The following SGCZ variants were observed in gnomAD, a reference collection of about 807,000 sequenced individuals.
SGCZ encodes the protein zeta-sarcoglycan.
In SGCZ, 40 loss-of-function variants were observed where a neutral mutation model predicts 41.3. That is an observed-to-expected ratio of 0.97 (90% CI 0.75 to 1.26). The LOEUF is 1.26. SGCZ is among the 50% of genes most tolerant of loss of function. The pLI, the probability that SGCZ is intolerant of heterozygous loss-of-function variation, is 0.00. For synonymous variants in SGCZ, 206 were observed against 137.5 expected, an observed-to-expected ratio of 1.50 and a Z score of -3.49; for missense variants, 552 against 369.8, an observed-to-expected ratio of 1.49 and a Z score of -4.04.
intron 4 of SGCZ, among the ~76,000 whole-genome samples, chr8:14,210,224 A>T (rs1410943126): frequency 1.3e-5 from 2 of 152,006 alleles, no homozygotes; most frequent in African/African-American, 4.8e-5. Flanking sequence ...CCGTCTAGCT[A>T]ATTTTTGCAT....
intron 1 of SGCZ, among the ~76,000 whole-genome samples, chr8:15,122,264 G>T (rs985881959): frequency 1.3e-5 from 2 of 152,052 alleles, no homozygotes; most frequent in African/African-American, 4.8e-5. Context: ...AATGGGAATT[G>T]TGGTATGTTG....
intron 2 of SGCZ, among the ~76,000 whole-genome samples, chr8:14,325,745 CACATATATATATATATATATAT>C (rs1167080870): frequency 5.1e-4 from 13 of 25,488 alleles, no homozygotes; most frequent in African/African-American, 9.8e-4. Flanking sequence ...CACACACACA[CACATATATATATATATATATAT>C]ATATATATAT....
chr8:15,178,980 C>A (rs751979241), intron 1 of SGCZ, among the ~76,000 whole-genome samples: 26 of 152,150 alleles, frequency 1.7e-4, no homozygotes, highest in Non-Finnish European at 3.8e-4. Context: ...ATTGTCTTGG[C>A]ATTTGGACAC....
At chr8:15,101,803 A>C (rs1806624957) in intron 1 of SGCZ, among the ~76,000 whole-genome samples, 1 of 152,068 alleles carries the variant, frequency 6.6e-6, no homozygotes, top group Non-Finnish European at 1.5e-5. Context: ...GGTCGTGCAC[A>C]CCTGCAGTCC....
chr8:14,207,838 A>G (rs1805668218), intron 4 of SGCZ, among the ~76,000 whole-genome samples: 1 of 152,160 alleles, frequency 6.6e-6, no homozygotes, highest in Non-Finnish European at 1.5e-5. Context: ...CATTTTGCAT[A>G]AGAAAAATAT....
At chr8:14,612,491 T>C (rs545255631) in intron 1 of SGCZ, among the ~76,000 whole-genome samples, 111 of 152,312 alleles carry the variant, frequency 7.3e-4, no homozygotes, top group African/African-American at 2.5e-3. Flanking sequence ...CTCAGGGAAG[T>C]TCTTTATAGC....
intron 1 of SGCZ, among the ~76,000 whole-genome samples, chr8:15,075,012 T>C (rs1805479919): frequency 6.6e-6 from 1 of 152,202 alleles, no homozygotes; most frequent in Non-Finnish European, 1.5e-5. Flanking sequence ...CCTCAGCACC[T>C]AACCCAAAAG....
chr8:15,016,197 C>A (rs989587560), intron 1 of SGCZ, among the ~76,000 whole-genome samples: 1 of 152,156 alleles, frequency 6.6e-6, no homozygotes, highest in Non-Finnish European at 1.5e-5. Context: ...CATGGACTTA[C>A]ACCTGCCCCA....
intron 5 of SGCZ, among the ~76,000 whole-genome samples, chr8:14,157,567 T>C (rs1442465864): frequency 1.3e-5 from 2 of 151,470 alleles, no homozygotes; most frequent in African/African-American, 4.8e-5. Flanking sequence ...TATTTGTTAG[T>C]TGTAAAATAA....
chr8:14,458,343 G>C (rs1278526755), intron 2 of SGCZ, among the ~76,000 whole-genome samples: 1 of 152,114 alleles, frequency 6.6e-6, no homozygotes, highest in Admixed American at 6.6e-5. Flanking sequence ...ATATCATAAT[G>C]CCAAAGACAA....
intron 2 of SGCZ, among the ~76,000 whole-genome samples, chr8:14,358,454 A>G (rs1402977091): frequency 6.6e-6 from 1 of 152,184 alleles, no homozygotes; most frequent in Non-Finnish European, 1.5e-5. Flanking sequence ...ACCAGATGGT[A>G]ACGCAATGTA....
At chr8:14,371,314 CT>C (rs2117161935) in intron 2 of SGCZ, among the ~76,000 whole-genome samples, 1 of 151,954 alleles carries the variant, frequency 6.6e-6, no homozygotes, top group East Asian at 1.9e-4. Flanking sequence ...ATTAAAAAAT[CT>C]TTGTGTATGC....
At chr8:14,450,084 T>C (rs1800548038) in intron 2 of SGCZ, among the ~76,000 whole-genome samples, 1 of 152,180 alleles carries the variant, frequency 6.6e-6, no homozygotes, top group African/African-American at 2.4e-5. Context: ...TTCAACATAT[T>C]CATTAAACCA....
intron 1 of SGCZ, among the ~76,000 whole-genome samples, chr8:14,831,230 C>A (rs998596821): frequency 1.3e-5 from 2 of 152,084 alleles, no homozygotes; most frequent in African/African-American, 4.8e-5. Flanking sequence ...TACATGACGG[C>A]AAAATACTCA....
At chr8:14,309,409 G>A in intron 3 of SGCZ, 1 of 1,606,686 alleles carries the variant, frequency 6.2e-7, no homozygotes, top group Admixed American at 1.7e-5. Flanking sequence ...ATCGCTTTTG[G>A]CTAGAGACAC....
intron 1 of SGCZ, among the ~76,000 whole-genome samples, chr8:14,766,866 C>A (rs1800053236): frequency 2.7e-5 from 4 of 150,928 alleles, no homozygotes. Context: ...GCATGAGCCA[C>A]TGTGCCTGGC....
At chr8:14,862,113 T>C (rs773433063) in intron 1 of SGCZ, among the ~76,000 whole-genome samples, 3 of 152,132 alleles carry the variant, frequency 2.0e-5, no homozygotes, top group Non-Finnish European at 4.4e-5. Flanking sequence ...CGACATTAAG[T>C]CATTCCCAGT....
At chr8:14,603,945 C>T (rs540030313) in intron 1 of SGCZ, among the ~76,000 whole-genome samples, 1 of 152,024 alleles carries the variant, frequency 6.6e-6, no homozygotes, top group South Asian at 2.1e-4. Flanking sequence ...ACTAAGATTC[C>T]ATAGCGACAT....
chr8:14,737,740 A>T lies in SGCZ; in HGVS notation c.40-182814T>A, dbSNP rs537268663. Among the ~76,000 whole-genome samples the T allele has an allele frequency of 2.6e-5, 4 of 152,154 alleles. No individual in the cohort carries two copies. In the East Asian group the frequency reaches 7.8e-4, roughly 29 times the overall value. On this transcript the variant is annotated intron_variant, in intron 1 of 7. Coordinates refer to ENST00000382080, the MANE Select transcript of SGCZ (RefSeq NM_139167.4). ...TTTCTCTTATGAGGACATCAGGCAT[A>T]TTGGATTCGAGCCTGTGCTAATGAC...
Sources: gnomAD v4.1 joint callset for allele counts (sites outside exome capture counted in the v4.1 genomes callset) on GRCh38, gnomAD v4.1.1 for gene constraint, MANE v1.5 for transcripts, NCBI Gene and HGNC (gene_info 2026-07-23, HGNC 2026-07-21) for gene names.